The following ETV6 variants were observed in gnomAD, a reference collection of about 807,000 sequenced individuals.
ETV6 encodes ETS variant transcription factor 6.
A neutral mutation model predicts 51.1 loss-of-function variants in ETV6; 16 were observed. That is an observed-to-expected ratio of 0.31 (90% CI 0.21 to 0.48). The LOEUF is 0.48. Ranked by LOEUF, ETV6 falls within the 20% of genes least tolerant of loss-of-function variation. ETV6 has a pLI of 0.99. For missense variants in ETV6, 458 were observed against 594.8 expected (o/e 0.77, Z 2.39); for synonymous variants, 240 against 224.1 (o/e 1.07, Z -0.64).
chr12:11,761,395 A>C (rs951442735), intron 2 of ETV6, among the ~76,000 whole-genome samples: 4 of 152,218 alleles, frequency 2.6e-5, no homozygotes, highest in African/African-American at 4.8e-5. Context: ...TAAATTCTGG[A>C]GTGTTAGAAA....
rs80230625 is a variant in ETV6 at position 11,699,788 on chromosome 12, G to A, written c.33+49628G>A. Reference sequence around the variant, plus strand: ...TGTAAAATGTAGGAAGGTCCTCCCAGCTGGAGGACCTTCGAGTATACTGCG... The same window carrying A: ...TGTAAAATGTAGGAAGGTCCTCCCAACTGGAGGACCTTCGAGTATACTGCG... On this transcript the variant is annotated intron_variant, in intron 1 of 7. Transcript: ENST00000396373. Among the ~76,000 whole-genome samples, 31 of 152,186 alleles carry A rather than the reference G, an allele frequency of 2.0e-4. No individual in the cohort carries two copies. The East Asian group carries it at 5.8e-3, about 28-fold the overall frequency.
At chr12:11,811,219 C>T (rs369348005) in intron 2 of ETV6, among the ~76,000 whole-genome samples, 52 of 152,146 alleles carry the variant, frequency 3.4e-4, no homozygotes, top group Non-Finnish European at 6.8e-4. Flanking sequence ...TCTAGATTAC[C>T]GGACTCATTT....
At chr12:11,833,639 C>T (rs1325428387) in intron 2 of ETV6, among the ~76,000 whole-genome samples, 2 of 152,212 alleles carry the variant, frequency 1.3e-5, no homozygotes, top group East Asian at 3.8e-4. Flanking sequence ...TTTAACTTCC[C>T]TGTGTTCTAG....
chr12:11,803,487 C>CA (rs1945782245), intron 2 of ETV6, among the ~76,000 whole-genome samples: 2 of 152,106 alleles, frequency 1.3e-5, no homozygotes, highest in Admixed American at 1.3e-4. Context: ...TGAATTTTCT[C>CA]AATGTATTTG....
chr12:11,745,522 A>T (rs1195158941), intron 1 of ETV6, among the ~76,000 whole-genome samples: 1 of 152,112 alleles, frequency 6.6e-6, no homozygotes, highest in East Asian at 1.9e-4. Flanking sequence ...TTTCCCCCAC[A>T]GGCCACATAT....
chr12:11,682,406 A>G (rs1339994762), intron 1 of ETV6, among the ~76,000 whole-genome samples: 3 of 151,976 alleles, frequency 2.0e-5, no homozygotes, highest in Non-Finnish European at 4.4e-5. Flanking sequence ...CTACTTTTAG[A>G]TGGGGTTGTT....
chr12:11,860,482 G>A lies in ETV6; in HGVS notation c.463+6921G>A, dbSNP rs79040128. 2.4e-3 allele frequency among the ~76,000 whole-genome samples: 366 copies of A among 151,388 alleles called. 1 individual carries two copies. Among genetic ancestry groups the A allele is most frequent in the African/African-American group, 8.5e-3 (350 of 41,212 alleles). On this transcript the variant is annotated intron_variant, in intron 4 of 7. Coordinates refer to ENST00000396373, the MANE Select transcript of ETV6 (RefSeq NM_001987.5). ...CTCAGGTCTCTACCTGTAAAAGAAG[G>A]AAAATGACAGGACCTATCTCAAAGG... is the stretch of plus-strand genomic sequence containing the variant.
intron 5 of ETV6, among the ~76,000 whole-genome samples, chr12:11,883,293 T>C (rs1258353439): frequency 0.43 from 50,498 of 116,554 alleles, 12,575 homozygotes; most frequent in South Asian, 0.62. Flanking sequence ...TTTTTTTTTT[T>C]TTTTTTTTTT....
chr12:11,759,578 A>G (rs1565515050), intron 2 of ETV6, among the ~76,000 whole-genome samples: 1 of 152,240 alleles, frequency 6.6e-6, no homozygotes, highest in Non-Finnish European at 1.5e-5. Context: ...AGGAAATCAG[A>G]AACTTTATTT....
intron 4 of ETV6, among the ~76,000 whole-genome samples, chr12:11,862,242 G>A (rs1233283986): frequency 1.3e-5 from 2 of 152,202 alleles, no homozygotes; most frequent in South Asian, 2.1e-4. Context: ...AACTAGGGCA[G>A]TTTTCTTCTC....
rs117968506 is a variant in ETV6, at chr12:11,688,704, A to C, written c.33+38544A>C. Among the ~76,000 whole-genome samples the C allele has an allele frequency of 5.9e-5, 9 of 152,314 alleles. No individual in the cohort carries two copies. In the East Asian group the frequency reaches 1.5e-3, roughly 26 times the overall value. On this transcript the variant is annotated intron_variant, in intron 1 of 7. Transcript: ENST00000396373. ...AGTTTAGGGCAACCGTAGAAACCCC[A>C]GGAGGAGTGTGGTAGCGTGTGGAGA...
intron 2 of ETV6, among the ~76,000 whole-genome samples, chr12:11,821,259 G>A (rs768445896): frequency 2.6e-5 from 4 of 152,008 alleles, no homozygotes; most frequent in African/African-American, 7.2e-5. Context: ...CCAGCTTCTC[G>A]GGAGGCTGAG....
At position 11,732,176 on chromosome 12, in the gene ETV6, G is replaced by A. The variant is rs548384436; in HGVS notation, c.34-20274G>A. Among the ~76,000 whole-genome samples, 3 of 152,366 alleles carry A rather than the reference G, an allele frequency of 2.0e-5. No individual in the cohort carries two copies. In the South Asian group the frequency reaches 6.2e-4, roughly 32 times the overall value. ...GGTAGAAGACAACACTGAGCACACA[G>A]TCGCAGAACTAGTGCAGTTCGAGGT... On this transcript the variant is annotated intron_variant, in intron 1 of 7. Transcript: ENST00000396373.
chr12:11,668,826 C>T (rs1864248648), intron 1 of ETV6, among the ~76,000 whole-genome samples: 1 of 152,184 alleles, frequency 6.6e-6, no homozygotes, highest in South Asian at 2.1e-4. Context: ...CACCTCCTTA[C>T]TGGCTATCTT....
At chr12:11,827,322 G>C (rs943138368) in intron 2 of ETV6, among the ~76,000 whole-genome samples, 2 of 152,068 alleles carry the variant, frequency 1.3e-5, no homozygotes, top group African/African-American at 4.8e-5. Context: ...AACCAACCGG[G>C]CCTTTGAAAG....
At chr12:11,874,912 G>A (rs1946956552) in intron 5 of ETV6, among the ~76,000 whole-genome samples, 2 of 125,512 alleles carry the variant, frequency 1.6e-5, no homozygotes, top group Non-Finnish European at 3.3e-5. Context: ...CGGGGGAGGG[G>A]GGAGGGATAG....
intron 1 of ETV6, among the ~76,000 whole-genome samples, chr12:11,746,781 T>A (rs966712681): frequency 8.2e-6 from 1 of 122,618 alleles, no homozygotes; most frequent in Non-Finnish European, 1.7e-5. Flanking sequence ...GCTAATGCTC[T>A]CTCTCTCTCT....
In ETV6 at chr12:11,892,577, A is replaced by T. The variant is rs1555149044; in HGVS notation, c.*1531A>T. 9 of 231,524 alleles carry T rather than the reference A, an allele frequency of 3.9e-5. No individual in the cohort carries two copies. In the South Asian group the frequency reaches 1.5e-3, roughly 38 times the overall value. 14.3% of individuals were successfully genotyped at this position (231,524 alleles called of 1,614,324 possible). ...TAGGTCTCAGAAATCCAATATTTGG[A>T]GTACAATTTCTTTTAATCCAGATTA... On this transcript the variant is annotated 3_prime_UTR_variant, in exon 8 of 8. Transcript: ENST00000396373.
chr12:11,775,059 A>T (rs1462435923), intron 2 of ETV6, among the ~76,000 whole-genome samples: 3 of 152,200 alleles, frequency 2.0e-5, no homozygotes, highest in Non-Finnish European at 4.4e-5. Flanking sequence ...TGTATTTGTA[A>T]TTCTCTGTCT....
Sources: allele counts gnomAD v4.1 joint callset (sites outside exome capture counted in the v4.1 genomes callset), GRCh38; gene constraint gnomAD v4.1.1; transcripts MANE v1.5; gene names NCBI Gene and HGNC (gene_info 2026-07-23, HGNC 2026-07-21).